Variants in TTC28 observed in about 807,000 individuals in gnomAD.
TTC28 encodes the protein tetratricopeptide repeat protein 28.
Under a neutral mutation model 198.0 loss-of-function variants are expected in TTC28, and 61 were observed. The observed-to-expected ratio is 0.31, with a 90% CI of 0.25 to 0.38. TTC28 has a LOEUF of 0.38. Ranked by LOEUF, TTC28 falls within the 10% of genes least tolerant of loss-of-function variation. The pLI is 1.00. For synonymous variants in TTC28, 1,171 were observed against 1,297.8 expected, an observed-to-expected ratio of 0.90 and a Z score of 2.10; for missense variants, 2,678 against 3,164.0, an observed-to-expected ratio of 0.85 and a Z score of 3.69.
chr22:28,208,937 A>G (rs1469860138), intron 5 of TTC28, among the ~76,000 whole-genome samples: 1 of 152,194 alleles, frequency 6.6e-6, no homozygotes, highest in African/African-American at 2.4e-5. Flanking sequence ...GCAACTGCTC[A>G]TTGGAATCAT....
At chr22:28,474,455 C>T (rs1471149500) in intron 2 of TTC28, among the ~76,000 whole-genome samples, 1 of 152,180 alleles carries the variant, frequency 6.6e-6, no homozygotes, top group Non-Finnish European at 1.5e-5. Context: ...AAGACTCCTC[C>T]CTCTTATTGC....
intron 2 of TTC28, among the ~76,000 whole-genome samples, chr22:28,584,130 C>T (rs2050275557): frequency 6.6e-6 from 1 of 151,564 alleles, no homozygotes; most frequent in Admixed American, 6.6e-5. Flanking sequence ...CAGGCACATT[C>T]TTTTCTCAAA....
chr22:28,659,089 T>C (rs1378462728), intron 1 of TTC28, among the ~76,000 whole-genome samples: 1 of 152,192 alleles, frequency 6.6e-6, no homozygotes, highest in Non-Finnish European at 1.5e-5. Flanking sequence ...AAGCAGACAG[T>C]GGGCCCTCAC....
intron 6 of TTC28, among the ~76,000 whole-genome samples, chr22:28,161,538 T>C (rs953446611): frequency 3.9e-5 from 6 of 151,942 alleles, no homozygotes; most frequent in African/African-American, 1.5e-4. Flanking sequence ...TCTATGGTTC[T>C]AGCTACTCGG....
At chr22:28,144,734 T>C (rs1314097871) in intron 6 of TTC28, among the ~76,000 whole-genome samples, 1 of 152,224 alleles carries the variant, frequency 6.6e-6, no homozygotes, top group Admixed American at 6.5e-5. Context: ...GGAATACAAA[T>C]GCATCAAATG....
intron 12 of TTC28, among the ~76,000 whole-genome samples, chr22:28,069,260 A>G (rs1252807846): frequency 1.3e-5 from 2 of 152,170 alleles, no homozygotes. Flanking sequence ...TAGTTCCATC[A>G]TTTAATTAAA....
intron 5 of TTC28, among the ~76,000 whole-genome samples, chr22:28,259,611 G>A (rs1326378662): frequency 1.3e-5 from 2 of 151,896 alleles, no homozygotes; most frequent in Non-Finnish European, 2.9e-5. Flanking sequence ...ATGTTTCTAT[G>A]AAAAAATGTG....
Position 28,425,837 on chromosome 22 carries a change from A to C in TTC28, c.382-119194T>G, listed in dbSNP as rs192437675. On this transcript the variant is annotated intron_variant, in intron 2 of 22. Transcript: ENST00000397906. ...CTGCCCTACAATAGGGCCCAACAAT[A>C]TCTCTTCAGTCTTGCTCTCCCTCGA... Among the ~76,000 whole-genome samples the C allele has an allele frequency of 1.1e-4, 16 of 152,196 alleles. No individual in the cohort carries two copies. The East Asian group carries it at 2.7e-3, about 26-fold the overall frequency.
At chr22:28,353,907 G>T (rs1440211286) in intron 2 of TTC28, among the ~76,000 whole-genome samples, 1 of 152,090 alleles carries the variant, frequency 6.6e-6, no homozygotes, top group Non-Finnish European at 1.5e-5. Flanking sequence ...ATACACAAAT[G>T]ACTAACAAGC....
At chr22:28,112,228 C>A (rs9620770) in intron 6 of TTC28, among the ~76,000 whole-genome samples, 10,329 of 151,992 alleles carry the variant, frequency 0.068, 399 homozygotes, top group South Asian at 0.089. Flanking sequence ...GTATCTAAAC[C>A]TAGTAGGACC....
chr22:28,173,883 T>G (rs1922912770), intron 5 of TTC28, among the ~76,000 whole-genome samples: 1 of 152,172 alleles, frequency 6.6e-6, no homozygotes, highest in African/African-American at 2.4e-5. Context: ...TTATATTTTG[T>G]GGGAGGATTA....
intron 5 of TTC28, among the ~76,000 whole-genome samples, chr22:28,228,015 CAATA>C (rs1373193718): frequency 6.6e-6 from 1 of 152,034 alleles, no homozygotes; most frequent in Non-Finnish European, 1.5e-5. Context: ...TATATACATA[CAATA>C]AAATATTATT....
At chr22:28,356,927 G>C (rs528022893) in intron 2 of TTC28, among the ~76,000 whole-genome samples, 1 of 152,300 alleles carries the variant, frequency 6.6e-6, no homozygotes, top group South Asian at 2.1e-4. Flanking sequence ...TTCTGAGCAT[G>C]AGACCCCATG....
At chr22:28,561,067 ATTTTC>A (rs2049867527) in intron 2 of TTC28, among the ~76,000 whole-genome samples, 1 of 67,802 alleles carries the variant, frequency 1.5e-5, no homozygotes, top group Non-Finnish European at 2.8e-5. Flanking sequence ...TCTCTCCTTC[ATTTTC>A]TTTTTTTTTT....
At chr22:28,654,241 C>T (rs114542358) in intron 1 of TTC28, among the ~76,000 whole-genome samples, 1,660 of 152,316 alleles carry the variant, frequency 0.011, 31 homozygotes, top group African/African-American at 0.038. Context: ...GGACTATGTA[C>T]ACCCAAGGCA....
intron 12 of TTC28, among the ~76,000 whole-genome samples, chr22:28,092,392 G>A (rs1271353042): frequency 6.6e-6 from 1 of 152,154 alleles, no homozygotes; most frequent in Non-Finnish European, 1.5e-5. Context: ...AAATACCTGT[G>A]GAAGGAGGGA....
At chr22:28,247,422 AT>A (rs1930183578) in intron 5 of TTC28, among the ~76,000 whole-genome samples, 1 of 152,212 alleles carries the variant, frequency 6.6e-6, no homozygotes, top group Non-Finnish European at 1.5e-5. Flanking sequence ...AAGAATCACT[AT>A]TGGCTGCCCC....
At chr22:28,122,571 G>A (rs556796663) in intron 6 of TTC28, among the ~76,000 whole-genome samples, 2 of 152,184 alleles carry the variant, frequency 1.3e-5, no homozygotes, top group African/African-American at 4.8e-5. Flanking sequence ...GTTGTTAGTG[G>A]TTTCATTTTG....
rs1569142599 is a variant in TTC28 at position 28,107,217 on chromosome 22, C to T, written c.2628G>A (p.Arg876=). ...CCCCCAGGTTGCCATAGGCCCGGCC[C>T]CTGTCGAGCACAGACTCATTTCCAC... ...QLSGNESVLD[R]GRAYGNLGDC... Residue 876 remains arginine (R), a synonymous_variant, in exon 7 of 23, where the codon AGG becomes AGA. Coordinates refer to ENST00000397906, the MANE Select transcript of TTC28 (RefSeq NM_001145418.2). The T allele has an allele frequency of 2.6e-6, 4 of 1,551,750 alleles. No individual in the cohort carries two copies. The highest frequency in any genetic ancestry group is 2.6e-6 in the Non-Finnish European group (3 of 1,146,996).
Sources: gnomAD v4.1 joint callset for allele counts (sites outside exome capture counted in the v4.1 genomes callset) on GRCh38, gnomAD v4.1.1 for gene constraint, MANE v1.5 for transcripts, NCBI Gene and HGNC (gene_info 2026-07-23, HGNC 2026-07-21) for gene names.